Variants in CTNNA3 observed in about 807,000 individuals in gnomAD.
The protein encoded by CTNNA3 is catenin alpha 3.
CTNNA3 carries 76 observed loss-of-function variants against 95.7 expected under a neutral mutation model. The ratio of observed to expected loss-of-function variants is 0.79; its 90% CI spans 0.66 to 0.96. CTNNA3 has a LOEUF of 0.96. Ranked by LOEUF, CTNNA3 falls within the 40% of genes least tolerant of loss-of-function variation. The probability of loss-of-function intolerance (pLI) is 0.00; values close to 1 mark genes in which losing one functional copy is unlikely to be tolerated. For synonymous variants in CTNNA3, 431 were observed against 374.4 expected, an observed-to-expected ratio of 1.15 and a Z score of -1.74; for missense variants, 1,191 against 1,089.8, an observed-to-expected ratio of 1.09 and a Z score of -1.31.
chr10:67,331,639 G>A (rs181624997), intron 5 of CTNNA3, among the ~76,000 whole-genome samples: 10 of 152,178 alleles, frequency 6.6e-5, no homozygotes, highest in African/African-American at 2.4e-4. Flanking sequence ...CCCTTCCTTG[G>A]TAGCAGAGTG....
chr10:66,617,221 A>G (rs1454359076), intron 10 of CTNNA3, among the ~76,000 whole-genome samples: 3 of 152,024 alleles, frequency 2.0e-5, no homozygotes, highest in Non-Finnish European at 4.4e-5. Flanking sequence ...TGGTAACATA[A>G]TAAGTCACAG....
chr10:66,878,537 T>G (rs1334806417), intron 7 of CTNNA3, among the ~76,000 whole-genome samples: 1 of 152,104 alleles, frequency 6.6e-6, no homozygotes, highest in East Asian at 1.9e-4. Context: ...GTGTCTTCCT[T>G]TTATTACTTT....
At chr10:66,064,455 A>G (rs2080273446) in intron 15 of CTNNA3, among the ~76,000 whole-genome samples, 1 of 152,058 alleles carries the variant, frequency 6.6e-6, no homozygotes, top group South Asian at 2.1e-4. Context: ...TTTCTCTTTC[A>G]TGGTGGCATT....
chr10:66,972,568 C>T (rs1381438303), intron 7 of CTNNA3, among the ~76,000 whole-genome samples: 1 of 152,048 alleles, frequency 6.6e-6, no homozygotes, highest in Non-Finnish European at 1.5e-5. Flanking sequence ...CAGGCCCATC[C>T]AGATTGTTTT....
At chr10:67,476,333 T>G (rs1248253381) in intron 5 of CTNNA3, among the ~76,000 whole-genome samples, 1 of 151,640 alleles carries the variant, frequency 6.6e-6, no homozygotes, top group East Asian at 2.0e-4. Context: ...ATTAGTCCTG[T>G]GCAAAAATCC....
chr10:66,086,002 T>C (rs2080968182), intron 14 of CTNNA3, among the ~76,000 whole-genome samples: 1 of 152,168 alleles, frequency 6.6e-6, no homozygotes, highest in Non-Finnish European at 1.5e-5. Context: ...AATCAGTTTG[T>C]ACAAGCTAAA....
intron 16 of CTNNA3, among the ~76,000 whole-genome samples, chr10:65,988,293 G>T (rs6480125): frequency 0.85 from 129,922 of 151,990 alleles, 55,761 homozygotes; most frequent in African/African-American, 0.9. Context: ...ACTCTACAAA[G>T]GCAATTATTA....
chr10:66,642,259 CACACACACACACACACACAA>C (rs917387365), intron 9 of CTNNA3, among the ~76,000 whole-genome samples: 29 of 67,370 alleles, frequency 4.3e-4, no homozygotes, highest in South Asian at 2.3e-3. Flanking sequence ...TTAAAATACA[CACACACACACACACACACAA>C]ACACACACAC....
chr10:66,019,751 T>C (rs1450438765), intron 15 of CTNNA3, among the ~76,000 whole-genome samples: 1 of 152,182 alleles, frequency 6.6e-6, no homozygotes, highest in African/African-American at 2.4e-5. Context: ...AAAAATTGCT[T>C]AGTGTAGTTT....
chr10:66,125,261 A>G (rs1235562181), intron 13 of CTNNA3, among the ~76,000 whole-genome samples: 1 of 152,198 alleles, frequency 6.6e-6, no homozygotes. Flanking sequence ...AAATAATACT[A>G]GTAACAATAT....
At chr10:67,497,541 A>T (rs1360892933) in intron 5 of CTNNA3, among the ~76,000 whole-genome samples, 7 of 152,060 alleles carry the variant, frequency 4.6e-5, no homozygotes, top group African/African-American at 1.7e-4. Context: ...TAGTTTACAT[A>T]CCCATCAACA....
At chr10:66,328,557 T>G (rs2092284536) in intron 12 of CTNNA3, among the ~76,000 whole-genome samples, 1 of 151,958 alleles carries the variant, frequency 6.6e-6, no homozygotes, top group Admixed American at 6.6e-5. Flanking sequence ...AGAGAAGTCT[T>G]TCTTGATGAT....
intron 10 of CTNNA3, among the ~76,000 whole-genome samples, chr10:66,553,347 AAT>A (rs750920527): frequency 2.6e-5 from 4 of 151,662 alleles, no homozygotes; most frequent in Non-Finnish European, 5.9e-5. Context: ...TGTCCTACCA[AAT>A]ATATGTTTAT....
intron 16 of CTNNA3, among the ~76,000 whole-genome samples, chr10:65,982,424 CA>C (rs1269129278): frequency 6.6e-6 from 1 of 150,822 alleles, no homozygotes; most frequent in Non-Finnish European, 1.5e-5. Flanking sequence ...CTAGTACAAC[CA>C]GTATGGAAAA....
At chr10:67,429,510 T>C (rs1434872156) in intron 5 of CTNNA3, among the ~76,000 whole-genome samples, 1 of 152,032 alleles carries the variant, frequency 6.6e-6, no homozygotes, top group Non-Finnish European at 1.5e-5. Flanking sequence ...TTTATTTGTG[T>C]TGTATATAGT....
intron 16 of CTNNA3, among the ~76,000 whole-genome samples, chr10:65,975,415 AGAG>A (rs1220146285): frequency 6.6e-6 from 1 of 152,076 alleles, no homozygotes; most frequent in Non-Finnish European, 1.5e-5. Flanking sequence ...GAAAGGAAGA[AGAG>A]GAGAAGGCAG....
intron 7 of CTNNA3, among the ~76,000 whole-genome samples, chr10:67,001,526 C>T (rs1851692540): frequency 6.6e-6 from 1 of 151,574 alleles, no homozygotes. Flanking sequence ...TAGAATTTTT[C>T]ACCAGCTTGA....
chr10:66,742,039 A>G (rs1228542136), intron 9 of CTNNA3, among the ~76,000 whole-genome samples: 1 of 152,204 alleles, frequency 6.6e-6, no homozygotes. Context: ...TGTTCAGGGA[A>G]CAAGAGAGAG....
chr10:65,930,194 C>T (rs1355979049), intron 17 of CTNNA3, among the ~76,000 whole-genome samples: 10 of 101,976 alleles, frequency 9.8e-5, no homozygotes, highest in African/African-American at 3.3e-4. Context: ...TCAGTCAGAG[C>T]TCAGTAAAAA....
Sources: allele counts gnomAD v4.1 joint callset (sites outside exome capture counted in the v4.1 genomes callset), GRCh38; gene constraint gnomAD v4.1.1; transcripts MANE v1.5; gene names NCBI Gene and HGNC (gene_info 2026-07-23, HGNC 2026-07-21).